The following ERC2 variants were observed in gnomAD, a reference collection of about 807,000 sequenced individuals.
ERC2 encodes ELKS/RAB6-interacting/CAST family member 2, also known as ERC protein 2.
A neutral mutation model predicts 114.8 loss-of-function variants in ERC2; 42 were observed. The ratio of observed to expected loss-of-function variants is 0.37; its 90% CI spans 0.29 to 0.47. The LOEUF is 0.47. Ranked by LOEUF, ERC2 falls within the 20% of genes least tolerant of loss-of-function variation. The probability of loss-of-function intolerance (pLI) is 0.99; values close to 1 mark genes in which losing one functional copy is unlikely to be tolerated. For synonymous variants in ERC2, 454 were observed against 425.5 expected (o/e 1.07, Z -0.82); for missense variants, 939 against 1,150.7 (o/e 0.82, Z 2.66).
At chr3:56,446,597 G>C (rs1354025529) in intron 1 of ERC2, among the ~76,000 whole-genome samples, 1 of 150,834 alleles carries the variant, frequency 6.6e-6, no homozygotes, top group Non-Finnish European at 1.5e-5. Context: ...AGTCAATAGA[G>C]GGCGCATTTT....
Position 55,598,845 on chromosome 3 carries a change from C to T in ERC2, c.*39+84949G>A, listed in dbSNP as rs566977645. On this transcript the variant is annotated intron_variant, in intron 17 of 17. Coordinates refer to ENST00000288221, the MANE Select transcript of ERC2 (RefSeq NM_015576.3). ...AGGGGCAGATTGTCTGGGGAACATT[C>T]TTCTTTGACCTAACCCTTCTTCCTC... Among the ~76,000 whole-genome samples, 26 of 152,306 alleles carry T rather than the reference C, an allele frequency of 1.7e-4. No individual in the cohort carries two copies. In the East Asian group the frequency reaches 4.4e-3, roughly 26 times the overall value.
chr3:55,607,645 A>G (rs1159605234), intron 17 of ERC2, among the ~76,000 whole-genome samples: 3 of 139,614 alleles, frequency 2.1e-5, no homozygotes, highest in African/African-American at 7.6e-5. Flanking sequence ...AAGAAGAGAG[A>G]AAAAAAAAAC....
chr3:56,206,774 C>T (rs1165832914), intron 3 of ERC2, among the ~76,000 whole-genome samples: 1 of 152,234 alleles, frequency 6.6e-6, no homozygotes, highest in Non-Finnish European at 1.5e-5. Context: ...TGTCCCCTTC[C>T]TCCCATTTGT....
chr3:56,299,729 C>A (rs898424917), intron 2 of ERC2, among the ~76,000 whole-genome samples: 1 of 152,164 alleles, frequency 6.6e-6, no homozygotes, highest in African/African-American at 2.4e-5. Flanking sequence ...TGTGTCCGGC[C>A]GTCATTTAAA....
chr3:55,561,271 A>G (rs1480054229), intron 17 of ERC2, among the ~76,000 whole-genome samples: 2 of 151,846 alleles, frequency 1.3e-5, no homozygotes, highest in Non-Finnish European at 2.9e-5. Context: ...AAATTTCTTT[A>G]CTTCCCTGGT....
At chr3:55,637,331 A>C (rs2059999811) in intron 17 of ERC2, among the ~76,000 whole-genome samples, 1 of 152,212 alleles carries the variant, frequency 6.6e-6, no homozygotes, top group Non-Finnish European at 1.5e-5. Context: ...GAATATGGAA[A>C]GGCATGAACC....
chr3:55,820,431 A>G (rs1338544494), intron 14 of ERC2, among the ~76,000 whole-genome samples: 2 of 152,218 alleles, frequency 1.3e-5, no homozygotes, highest in African/African-American at 2.4e-5. Flanking sequence ...TAAGCCTTAC[A>G]CTTAAAGTGT....
At chr3:55,969,012 A>G (rs2068958432) in intron 12 of ERC2, among the ~76,000 whole-genome samples, 1 of 152,160 alleles carries the variant, frequency 6.6e-6, no homozygotes, top group Non-Finnish European at 1.5e-5. Flanking sequence ...GCTTATCAAG[A>G]TAACTGTTTC....
Position 56,343,598 on chromosome 3 carries a change from A to G in ERC2, c.658-47163T>C, listed in dbSNP as rs2150501690. Among the ~76,000 whole-genome samples, 2 of 152,282 alleles carry G rather than the reference A, an allele frequency of 1.3e-5. 1 individual carries two copies. The highest frequency in any genetic ancestry group is 4.1e-4 in the South Asian group (2 of 4,822). On this transcript the variant is annotated intron_variant, in intron 2 of 17. Coordinates refer to ENST00000288221, the MANE Select transcript of ERC2 (RefSeq NM_015576.3). ...ACCTTACTGCATTCCAGCCTCGGCA[A>G]AAAGTGAGACTTCATCTCTAAAATA...
intron 13 of ERC2, among the ~76,000 whole-genome samples, chr3:55,916,652 C>T (rs947582771): frequency 1.3e-5 from 2 of 152,120 alleles, no homozygotes; most frequent in Non-Finnish European, 2.9e-5. Flanking sequence ...ACCCAGAGTT[C>T]GCCCATTCCA....
chr3:56,141,615 G>A (rs1408742320), intron 5 of ERC2, among the ~76,000 whole-genome samples: 2 of 152,060 alleles, frequency 1.3e-5, no homozygotes, highest in South Asian at 2.1e-4. Context: ...ATTAGGCTTC[G>A]CATTATTACA....
Position 56,060,551 on chromosome 3 carries a change from A to G in ERC2, c.1641+20266T>C, listed in dbSNP as rs150338413. 8.5e-5 allele frequency among the ~76,000 whole-genome samples: 13 copies of G among 152,320 alleles called. No homozygotes were observed. The East Asian group carries it at 2.3e-3, about 27-fold the overall frequency. Reference sequence around the variant, plus strand: ...CATTCTGTCTTTCATCTAACAACCCACAGGGTGCCCCATACCCAACAGGTG... The same window carrying G: ...CATTCTGTCTTTCATCTAACAACCCGCAGGGTGCCCCATACCCAACAGGTG... On this transcript the variant is annotated intron_variant, in intron 7 of 17. Coordinates refer to ENST00000288221, the MANE Select transcript of ERC2 (RefSeq NM_015576.3).
At chr3:55,828,778 G>GA (rs59092111) in intron 14 of ERC2, among the ~76,000 whole-genome samples, 3,401 of 144,944 alleles carry the variant, frequency 0.023, 113 homozygotes, top group African/African-American at 0.076. Context: ...TGACTGCTAA[G>GA]AAAAAAAAAA....
chr3:55,952,198 C>CTCTCTA (rs1339982987), intron 12 of ERC2, among the ~76,000 whole-genome samples: 1 of 108,640 alleles, frequency 9.2e-6, no homozygotes, highest in African/African-American at 3.6e-5. Context: ...CTCTCTCTCT[C>CTCTCTA]TATATATATA....
chr3:56,132,484 C>T (rs1376810993), intron 6 of ERC2, among the ~76,000 whole-genome samples: 2 of 152,184 alleles, frequency 1.3e-5, no homozygotes, highest in African/African-American at 4.8e-5. Context: ...CACAACCTCC[C>T]TGAAGAAATT....
Position 55,832,494 on chromosome 3 carries a change from A to T in ERC2, c.2564+55895T>A, listed in dbSNP as rs146615961. The stretch of plus-strand genomic sequence containing the variant: ...GCCACTGCTGCGGATACCCAGGCAA[A>T]CAGGGTCTGGAGTGGACCTCTAGCA... On this transcript the variant is annotated intron_variant, in intron 14 of 17. Coordinates refer to ENST00000288221, the MANE Select transcript of ERC2 (RefSeq NM_015576.3). Among the ~76,000 whole-genome samples the T allele has an allele frequency of 1.1e-3, 167 of 152,366 alleles. 1 individual carries two copies. Among genetic ancestry groups the T allele is most frequent in the African/African-American group, 3.7e-3 (152 of 41,594 alleles).
chr3:56,307,261 A>G (rs1245035900), intron 2 of ERC2, among the ~76,000 whole-genome samples: 1 of 152,262 alleles, frequency 6.6e-6, no homozygotes, highest in African/African-American at 2.4e-5. Context: ...ATCACCTACC[A>G]GGTCAACAAG....
chr3:56,198,199 A>G (rs984623262), intron 3 of ERC2, among the ~76,000 whole-genome samples: 17 of 152,226 alleles, frequency 1.1e-4, no homozygotes, highest in Admixed American at 7.2e-4. Context: ...TGCTTTCTCA[A>G]TGAATGAACC....
intron 3 of ERC2, among the ~76,000 whole-genome samples, chr3:56,211,400 G>A (rs1458767209): frequency 1.3e-5 from 2 of 152,064 alleles, no homozygotes; most frequent in Non-Finnish European, 2.9e-5. Context: ...TAAGCAAGGA[G>A]GTGAAAGACT....
Sources: allele counts gnomAD v4.1 joint callset (sites outside exome capture counted in the v4.1 genomes callset), GRCh38; gene constraint gnomAD v4.1.1; transcripts MANE v1.5; gene names NCBI Gene and HGNC (gene_info 2026-07-23, HGNC 2026-07-21).